COLEC12: variants seen among roughly 807,000 people sequenced by gnomAD.
The protein encoded by COLEC12 is collectin-12.
A neutral mutation model predicts 71.1 loss-of-function variants in COLEC12; 33 were observed. The ratio of observed to expected loss-of-function variants is 0.46; its 90% CI spans 0.35 to 0.62. COLEC12 has a LOEUF of 0.62. COLEC12 is among the 20% of genes least tolerant of loss of function. The probability of loss-of-function intolerance (pLI) is 0.00; values close to 1 mark genes in which losing one functional copy is unlikely to be tolerated. For synonymous variants in COLEC12, 350 were observed against 353.0 expected, an observed-to-expected ratio of 0.99 and a Z score of 0.10; for missense variants, 765 against 916.1, an observed-to-expected ratio of 0.84 and a Z score of 2.13.
chr18:381,835 T>C (rs966362906), intron 2 of COLEC12, among the ~76,000 whole-genome samples: 3 of 152,196 alleles, frequency 2.0e-5, no homozygotes, highest in East Asian at 1.9e-4. Flanking sequence ...TGGAGATATA[T>C]CCCTATGATA....
rs376590921 is a variant in COLEC12 at position 451,734 on chromosome 18, G to A, written c.58+28973C>T. 1.3e-4 allele frequency among the ~76,000 whole-genome samples: 20 copies of A among 150,196 alleles called. No homozygotes were observed. The East Asian group carries it at 2.9e-3, about 22-fold the overall frequency. On this transcript the variant is annotated intron_variant, in intron 2 of 9. Coordinates refer to ENST00000400256, the MANE Select transcript of COLEC12 (RefSeq NM_130386.3). The stretch of plus-strand genomic sequence containing the variant: ...TGCACTCCAGCCTGGACAACAAAGC[G>A]AGACTCCATCTCAAAAAAAAAAAGA...
chr18:346,893 A>T lies in COLEC12; in HGVS notation c.729T>A (p.Asn243Lys). The change falls in exon 5 of 10, where the codon AAT becomes AAA. Residue 243 changes from asparagine (N) to lysine (K), a missense_variant. Transcript: ENST00000400256. The surrounding 1 kb of genome is among the most constrained non-coding windows in gnomAD (Gnocchi z 4.0). ...TGGCTTGAAGAAAAACCTGCTGCAG[A>T]TTTTGAAAGTCGTTCTTGATTCGCT... Reference protein sequence around the residue: ...AIQRIKNDFQNLQQVFLQAKK... With the variant: ...AIQRIKNDFQKLQQVFLQAKK... 6.2e-7 allele frequency: 1 copy of T among 1,614,092 alleles called. No homozygotes were observed. The highest frequency in any genetic ancestry group is 8.5e-7 in the Non-Finnish European group (1 of 1,180,000).
intron 2 of COLEC12, among the ~76,000 whole-genome samples, chr18:439,082 G>T (rs1488852467): frequency 6.6e-6 from 1 of 152,132 alleles, no homozygotes; most frequent in African/African-American, 2.4e-5. Context: ...AAAAGTAGAA[G>T]AAGATGAGGC....
At chr18:479,290 C>T (rs1026657042) in intron 2 of COLEC12, among the ~76,000 whole-genome samples, 1 of 152,086 alleles carries the variant, frequency 6.6e-6, no homozygotes, top group African/African-American at 2.4e-5. Flanking sequence ...GGAGGGGCGA[C>T]GGGGCTGCAC....
chr18:322,535 C>T (rs1047442055), intron 8 of COLEC12, among the ~76,000 whole-genome samples: 2 of 152,172 alleles, frequency 1.3e-5, no homozygotes, highest in African/African-American at 4.8e-5. Flanking sequence ...CTCAGAACAG[C>T]ACCTTGCCAT....
intron 1 of COLEC12, among the ~76,000 whole-genome samples, chr18:498,615 G>GCCT (rs901833702): frequency 1.3e-5 from 2 of 152,048 alleles, no homozygotes; most frequent in Non-Finnish European, 2.9e-5. Context: ...GCCCACCTCG[G>GCCT]CCTCCCAAAG....
At chr18:384,319 C>A (rs952260501) in intron 2 of COLEC12, among the ~76,000 whole-genome samples, 1 of 151,968 alleles carries the variant, frequency 6.6e-6, no homozygotes, top group Non-Finnish European at 1.5e-5. Flanking sequence ...AGGATGGTAC[C>A]CATTCCGGGC....
At chr18:412,562 C>A (rs1377927536) in intron 2 of COLEC12, among the ~76,000 whole-genome samples, 1 of 151,384 alleles carries the variant, frequency 6.6e-6, no homozygotes, top group Non-Finnish European at 1.5e-5. Context: ...TAGGTAAATG[C>A]AATAGCCTTT....
chr18:325,209 C>T (rs1913807344), intron 8 of COLEC12, among the ~76,000 whole-genome samples: 1 of 152,004 alleles, frequency 6.6e-6, no homozygotes, highest in Non-Finnish European at 1.5e-5. Flanking sequence ...AAAAATAAAA[C>T]ACAAAAAACT....
At chr18:442,002 TA>T (rs1916548319) in intron 2 of COLEC12, among the ~76,000 whole-genome samples, 1 of 120,744 alleles carries the variant, frequency 8.3e-6, no homozygotes, top group African/African-American at 3.9e-5. Context: ...TCTCTCTCTC[TA>T]CACACACACA....
Position 317,400 on chromosome 18 carries a change from G to A in COLEC12, c.*2645C>T, listed in dbSNP as rs922938002. 1 of 152,120 alleles carries A rather than the reference G, an allele frequency of 6.6e-6. No individual in the cohort carries two copies. Among genetic ancestry groups the A allele is most frequent in the Non-Finnish European group, 1.5e-5 (1 of 68,032 alleles). 9.4% of individuals were successfully genotyped at this position (152,120 alleles called of 1,614,324 possible). On this transcript the variant is annotated 3_prime_UTR_variant, in exon 10 of 10. Coordinates refer to ENST00000400256, the MANE Select transcript of COLEC12 (RefSeq NM_130386.3). ...TTTTCAAAGCTTGCGTCTGAATCCT[G>A]TCTCACTACTCAGTAATGGAGTGAC...
chr18:324,751 G>C (rs1210616360), intron 8 of COLEC12, among the ~76,000 whole-genome samples: 1 of 152,010 alleles, frequency 6.6e-6, no homozygotes, highest in African/African-American at 2.4e-5. Context: ...ATCGCTTGAA[G>C]CCAGGAGGTG....
chr18:368,845 A>C (rs111564480), intron 2 of COLEC12, among the ~76,000 whole-genome samples: 2 of 152,184 alleles, frequency 1.3e-5, no homozygotes, highest in African/African-American at 4.8e-5. Flanking sequence ...CAGCCTGGGC[A>C]ACAGAGCGAG....
At position 400,582 on chromosome 18, in the gene COLEC12, A is replaced by C. The variant is rs952995802; in HGVS notation, c.59-43060T>G. Among the ~76,000 whole-genome samples the C allele has an allele frequency of 5.3e-5, 8 of 152,308 alleles. No homozygotes were observed. The East Asian group carries it at 1.5e-3, about 29-fold the overall frequency. ...CATTTCAGCCGTATTGTGCAAACCC[A>C]GAGGTTGCGCAGAGATCTCAGTAAC... On this transcript the variant is annotated intron_variant, in intron 2 of 9. Transcript: ENST00000400256.
At chr18:324,124 T>C (rs911402971) in intron 8 of COLEC12, among the ~76,000 whole-genome samples, 3 of 152,046 alleles carry the variant, frequency 2.0e-5, no homozygotes, top group Admixed American at 2.0e-4. Flanking sequence ...CAATTTATTC[T>C]GTGGGCTGAC....
intron 1 of COLEC12, among the ~76,000 whole-genome samples, chr18:493,209 G>A (rs1917650591): frequency 6.6e-6 from 1 of 152,030 alleles, no homozygotes; most frequent in African/African-American, 2.4e-5. Context: ...CAAGTAGCTG[G>A]GACTATAGCC....
chr18:379,095 C>T (rs1319863970), intron 2 of COLEC12, among the ~76,000 whole-genome samples: 1 of 151,898 alleles, frequency 6.6e-6, no homozygotes, highest in Non-Finnish European at 1.5e-5. Flanking sequence ...TTTTTATCTC[C>T]TTTTATTAGG....
chr18:473,401 T>C (rs1434109202), intron 2 of COLEC12, among the ~76,000 whole-genome samples: 5 of 152,130 alleles, frequency 3.3e-5, no homozygotes, highest in Non-Finnish European at 7.3e-5. Flanking sequence ...TTCGCTCTGT[T>C]GCCCAGGCTG....
chr18:330,492 T>TG (rs1170765546), intron 8 of COLEC12, among the ~76,000 whole-genome samples: 1 of 110,128 alleles, frequency 9.1e-6, no homozygotes, highest in Admixed American at 9.8e-5. Flanking sequence ...TCAGAGGGTT[T>TG]TTTTTTTTTT....
Sources: allele counts gnomAD v4.1 joint callset (sites outside exome capture counted in the v4.1 genomes callset), GRCh38; gene constraint gnomAD v4.1.1; non-coding constraint Gnocchi (gnomAD v3.1); transcripts MANE v1.5; gene names NCBI Gene and HGNC (gene_info 2026-07-23, HGNC 2026-07-21).